The following ARHGAP12 variants were observed in gnomAD, a reference collection of about 807,000 sequenced individuals.
The protein encoded by ARHGAP12 is rho GTPase-activating protein 12.
In ARHGAP12, 64 loss-of-function variants were observed where a neutral mutation model predicts 108.6. The ratio of observed to expected loss-of-function variants is 0.59; its 90% confidence interval spans 0.48 to 0.73. The LOEUF is 0.73. Among genes scored for constraint, ARHGAP12 ranks in the 30% least tolerant of loss-of-function variants. ARHGAP12 has a pLI of 0.00. For synonymous variants in ARHGAP12, 312 were observed against 337.2 expected, an observed-to-expected ratio of 0.93 and a Z score of 0.82; for missense variants, 940 against 1,005.9, an observed-to-expected ratio of 0.93 and a Z score of 0.89.
intron 3 of ARHGAP12, among the ~76,000 whole-genome samples, chr10:31,889,619 G>GTTTTTT (rs869116452): frequency 1.1e-3 from 75 of 66,440 alleles, no homozygotes; most frequent in Non-Finnish European, 1.6e-3. Context: ...AATTTTTCTC[G>GTTTTTT]TTTTTTTTTT....
At position 31,807,765 on chromosome 10, in the gene ARHGAP12, G is replaced by A. The variant is rs868740038; in HGVS notation, c.2434C>T (p.Leu812=). Residue 812 remains leucine, a synonymous_variant, in exon 20 of 20, where the codon CTA becomes TTA. Transcript: ENST00000344936. The part of the protein sequence containing the change: ...QSIAIVFGPT[L]LKPEKETGNI... ...CCAGTCTCTTTTTCTGGTTTTAATAGAGTGGGACCAAAAACAATTGCTATA... is the reference window on the plus strand; with the variant it reads ...CCAGTCTCTTTTTCTGGTTTTAATAAAGTGGGACCAAAAACAATTGCTATA... 1.2e-6 allele frequency: 2 copies of A among 1,607,038 alleles called. No individual in the cohort carries two copies. The highest frequency in any genetic ancestry group is 1.7e-5 in the Admixed American group (1 of 58,758).
At chr10:31,850,361 G>C (rs979381454) in intron 6 of ARHGAP12, among the ~76,000 whole-genome samples, 13 of 152,046 alleles carry the variant, frequency 8.6e-5, no homozygotes, top group African/African-American at 3.1e-4. Context: ...ACCCTTATTA[G>C]AACAGCCTAA....
chr10:31,849,532 T>C (rs1836592456), intron 6 of ARHGAP12, among the ~76,000 whole-genome samples: 1 of 152,210 alleles, frequency 6.6e-6, no homozygotes. Context: ...TTAGACTTAC[T>C]AGTAAGTATT....
intron 3 of ARHGAP12, among the ~76,000 whole-genome samples, chr10:31,894,707 C>A (rs1396652988): frequency 1.3e-5 from 2 of 152,208 alleles, no homozygotes; most frequent in Non-Finnish European, 2.9e-5. Flanking sequence ...CCATCCCCAA[C>A]AAGCTACCAG....
intron 4 of ARHGAP12, among the ~76,000 whole-genome samples, chr10:31,856,398 T>C (rs1456638676): frequency 6.6e-6 from 1 of 152,114 alleles, no homozygotes; most frequent in Non-Finnish European, 1.5e-5. Context: ...TCTAAAAGGC[T>C]ATCCCACAAT....
At chr10:31,901,534 CAAAAAAAAAAAAAA>C (rs61402251) in intron 3 of ARHGAP12, among the ~76,000 whole-genome samples, 1 of 64,280 alleles carries the variant, frequency 1.6e-5, no homozygotes, top group Non-Finnish European at 2.9e-5. Context: ...AACCTGGTCT[CAAAAAAAAAAAAAA>C]AAAAAAAAAA....
chr10:31,853,733 G>A (rs1177257809), intron 5 of ARHGAP12, among the ~76,000 whole-genome samples: 1 of 152,086 alleles, frequency 6.6e-6, no homozygotes, highest in Non-Finnish European at 1.5e-5. Context: ...TATGATAATG[G>A]CACAGAGAGA....
chr10:31,881,076 G>T (rs762747887), intron 3 of ARHGAP12, among the ~76,000 whole-genome samples: 43 of 151,466 alleles, frequency 2.8e-4, no homozygotes, highest in Admixed American at 1.6e-3. Flanking sequence ...TCAGGCTCAG[G>T]TGATTCTCCT....
Position 31,820,489 on chromosome 10 carries a change from C to T in ARHGAP12, c.1531-1G>A, listed in dbSNP as rs1407700229. On this transcript the variant is annotated splice_acceptor_variant, in intron 11 of 19. Transcript: ENST00000344936. LOFTEE classifies it high-confidence loss of function. ...CTGGTTTGGACTGATTACTGCCAAA[C>T]TTCATTTTTGAAAAAGAAAAAAAAC... The T allele has an allele frequency of 6.4e-7, 1 of 1,569,944 alleles. No individual in the cohort carries two copies. The highest frequency in any genetic ancestry group is 1.4e-5 in the African/African-American group (1 of 72,582).
intron 3 of ARHGAP12, among the ~76,000 whole-genome samples, chr10:31,865,125 A>G (rs1464592605): frequency 6.6e-6 from 1 of 152,218 alleles, no homozygotes; most frequent in Non-Finnish European, 1.5e-5. Context: ...GTAACAGCAC[A>G]GAGAGTTTGA....
intron 6 of ARHGAP12, 97 bp downstream of exon 6, chr10:31,852,420 G>C (rs1476279712): frequency 4.9e-6 from 5 of 1,013,758 alleles, no homozygotes; most frequent in Non-Finnish European, 7.7e-6. Flanking sequence ...CTTTGTAAAA[G>C]TAGAATAAAG....
intron 3 of ARHGAP12, among the ~76,000 whole-genome samples, chr10:31,870,965 T>C (rs796381405): frequency 3.9e-5 from 6 of 152,348 alleles, no homozygotes; most frequent in African/African-American, 1.4e-4. Flanking sequence ...GTCCCTGTCC[T>C]TGAGGAGCCA....
chr10:31,914,836 C>T (rs1205762984), intron 1 of ARHGAP12, among the ~76,000 whole-genome samples: 1 of 152,158 alleles, frequency 6.6e-6, no homozygotes, highest in Non-Finnish European at 1.5e-5. Context: ...GATATCTGCA[C>T]TCCCACATTT....
chr10:31,880,914 T>A (rs919516983), intron 3 of ARHGAP12, among the ~76,000 whole-genome samples: 1 of 146,996 alleles, frequency 6.8e-6, no homozygotes, highest in Non-Finnish European at 1.5e-5. Flanking sequence ...AAAAAAAAAA[T>A]TAGCCAGGTG....
At chr10:31,810,888 T>C (rs1413020539) in intron 15 of ARHGAP12, 141 bp from the exon 16 acceptor site, 2 of 624,324 alleles carry the variant, frequency 3.2e-6, no homozygotes, top group Non-Finnish European at 5.5e-6. Context: ...GCAATATGCA[T>C]CTTGCCTACT....
intron 1 of ARHGAP12, among the ~76,000 whole-genome samples, chr10:31,920,705 G>T (rs1474646629): frequency 6.6e-6 from 1 of 152,114 alleles, no homozygotes; most frequent in Non-Finnish European, 1.5e-5. Flanking sequence ...GACAATAACA[G>T]TGCTGGCAAG....
In ARHGAP12 at chr10:31,816,124, C is replaced by T. The variant is rs188458804; in HGVS notation, c.1731+1664G>A. On this transcript the variant is annotated intron_variant, in intron 13 of 19. Transcript: ENST00000344936. ...TAAGATCATGCCATTGCACTCCAGCCTGGGTAACAGAGCAAGACTGTCTCA... is the reference window on the plus strand; with the variant it reads ...TAAGATCATGCCATTGCACTCCAGCTTGGGTAACAGAGCAAGACTGTCTCA... 1.3e-3 allele frequency among the ~76,000 whole-genome samples: 189 copies of T among 150,224 alleles called. 2 individuals are homozygous for T. The Middle Eastern group carries it at 0.014, about 11-fold the overall frequency.
intron 5 of ARHGAP12, 76 bp from the exon 6 acceptor site, chr10:31,852,673 G>T: frequency 9.1e-6 from 7 of 769,934 alleles, no homozygotes; most frequent in Admixed American, 2.4e-5. Context: ...AGAGATACTA[G>T]ATTTAATTCT....
chr10:31,860,399 C>T lies in ARHGAP12; in HGVS notation c.948+996G>A, dbSNP rs74127859. ...ATTTCACTCTATTCTACCAATCCTA[C>T]CAAGTTACTCCTGTACGTTTAAATA... On this transcript the variant is annotated intron_variant, in intron 4 of 19. Transcript: ENST00000344936. 3.5e-3 allele frequency among the ~76,000 whole-genome samples: 527 copies of T among 152,298 alleles called. 2 individuals carry two copies. Among genetic ancestry groups the T allele is most frequent in the African/African-American group, 0.012 (514 of 41,566 alleles).
Sources: allele counts gnomAD v4.1 joint callset (sites outside exome capture counted in the v4.1 genomes callset), GRCh38; gene constraint gnomAD v4.1.1; transcripts MANE v1.5; gene names NCBI Gene and HGNC (gene_info 2026-07-23, HGNC 2026-07-21).